Variants in DISC1 observed in about 807,000 individuals in gnomAD.
DISC1 encodes the protein disrupted in schizophrenia 1 protein.
Under a neutral mutation model 84.5 loss-of-function variants are expected in DISC1, and 57 were observed. The observed-to-expected ratio is 0.67, with a 90% CI of 0.55 to 0.84. The LOEUF (loss-of-function observed/expected upper bound fraction) is 0.84, where lower values mean the gene tolerates loss of function less well. Ranked by LOEUF, DISC1 falls within the 40% of genes least tolerant of loss-of-function variation. The pLI is 0.00. For missense variants in DISC1, 1,000 were observed against 1,057.8 expected (o/e 0.95, Z 0.76); for synonymous variants, 411 against 415.2 (o/e 0.99, Z 0.12).
At chr1:231,646,498 A>C (rs926850778) in intron 1 of DISC1, among the ~76,000 whole-genome samples, 1 of 152,180 alleles carries the variant, frequency 6.6e-6, no homozygotes, top group Non-Finnish European at 1.5e-5. Context: ...AGCATGATTT[A>C]TAATCCTTTG....
Position 232,031,262 on chromosome 1 carries a change from AAGAT to A in DISC1, c.2425+4712_2425+4715del, listed in dbSNP as rs1285658824. Among the ~76,000 whole-genome samples, 3 of 148,550 alleles carry A rather than the reference AAGAT, an allele frequency of 2.0e-5. No homozygotes were observed. Among genetic ancestry groups the A allele is most frequent in the South Asian group, 2.2e-4 (1 of 4,568 alleles). On this transcript the variant is annotated intron_variant, in intron 12 of 12. Coordinates refer to ENST00000439617, the MANE Select transcript of DISC1 (RefSeq NM_018662.3). This position sits in a 1 kb window ranked among gnomAD's most constrained non-coding sequence, Gnocchi z 4.6. ...GAGAGGAAGGAAGGAAGGAGAAAGA[AAGAT>A]AAAGAAAGAAAAAGAAAGAAAAGAG...
chr1:231,919,124 T>A (rs1313971348), intron 9 of DISC1, among the ~76,000 whole-genome samples: 2 of 152,242 alleles, frequency 1.3e-5, no homozygotes, highest in African/African-American at 4.8e-5. Context: ...TGAAACCTGA[T>A]GGTTTTTAAG....
intron 9 of DISC1, among the ~76,000 whole-genome samples, chr1:231,942,059 G>T (rs1361372775): frequency 1.3e-5 from 2 of 152,112 alleles, no homozygotes; most frequent in Non-Finnish European, 2.9e-5. Flanking sequence ...GGGGCCGGGG[G>T]ACGAGGTAAC....
intron 10 of DISC1, among the ~76,000 whole-genome samples, chr1:231,987,671 G>A (rs1008273987): frequency 6.6e-6 from 1 of 152,130 alleles, no homozygotes; most frequent in South Asian, 2.1e-4. Context: ...TTCTCAGCTG[G>A]GATGGAAGGC....
intron 9 of DISC1, among the ~76,000 whole-genome samples, chr1:231,909,643 C>T (rs866516432): frequency 5.3e-5 from 8 of 151,746 alleles, no homozygotes; most frequent in East Asian, 1.9e-4. Flanking sequence ...TTTTTTTTGT[C>T]GTGTCTCTGC....
intron 3 of DISC1, among the ~76,000 whole-genome samples, chr1:231,740,697 T>C (rs2073144127): frequency 6.6e-6 from 1 of 152,222 alleles, no homozygotes; most frequent in Non-Finnish European, 1.5e-5. Flanking sequence ...ACATATATAA[T>C]GAGATATCTT....
chr1:231,819,120 A>C (rs2081301783), intron 9 of DISC1: 1 of 986,274 alleles, frequency 1.0e-6, no homozygotes, highest in South Asian at 4.7e-5. Context: ...GGATGGTCTC[A>C]GAAGACGCTG....
chr1:231,819,671 C>T (rs768576747), intron 9 of DISC1, among the ~76,000 whole-genome samples: 5 of 152,122 alleles, frequency 3.3e-5, no homozygotes, highest in African/African-American at 9.7e-5. Context: ...AATGACAACA[C>T]GCTCACCCAA....
intron 1 of DISC1, among the ~76,000 whole-genome samples, chr1:231,683,027 C>T (rs1274072028): frequency 6.6e-6 from 1 of 152,182 alleles, no homozygotes; most frequent in Non-Finnish European, 1.5e-5. Context: ...CCAGGACTCT[C>T]ATTGTCTAAT....
rs1055191614 is a variant in DISC1, at chr1:231,826,435, A to T, written c.1981+7918A>T. On this transcript the variant is annotated intron_variant, in intron 9 of 12. Transcript: ENST00000439617. The surrounding 1 kb of genome is among the most constrained non-coding windows in gnomAD (Gnocchi z 4.2). ...TGTTGAACATCCTGAAAAGACGGGT[A>T]TTTTTTTTTCATTTTTGAAGTTTTC... Among the ~76,000 whole-genome samples the T allele has an allele frequency of 1.3e-5, 2 of 151,152 alleles. No individual in the cohort carries two copies. Among genetic ancestry groups the T allele is most frequent in the Non-Finnish European group, 3.0e-5 (2 of 67,750 alleles).
chr1:231,839,021 T>C (rs559724620), intron 9 of DISC1, among the ~76,000 whole-genome samples: 64 of 151,292 alleles, frequency 4.2e-4, no homozygotes, highest in African/African-American at 1.5e-3. Context: ...AAGGATGAAA[T>C]GAAGCAATAA....
At chr1:231,935,196 A>G (rs1405382557) in intron 9 of DISC1, among the ~76,000 whole-genome samples, 3 of 152,230 alleles carry the variant, frequency 2.0e-5, no homozygotes, top group Non-Finnish European at 4.4e-5. Flanking sequence ...TGCAAGTGAC[A>G]TCTAACAGGG....
intron 12 of DISC1, among the ~76,000 whole-genome samples, chr1:232,030,939 C>T (rs946525908): frequency 1.3e-5 from 2 of 152,048 alleles, no homozygotes; most frequent in Non-Finnish European, 2.9e-5. Context: ...ATGGCAAAAC[C>T]CTGTCTCTAT....
intron 1 of DISC1, among the ~76,000 whole-genome samples, chr1:231,674,222 AT>A (rs1443277462): frequency 1.3e-5 from 2 of 152,100 alleles, no homozygotes; most frequent in African/African-American, 2.4e-5. Context: ...ACATCAGATT[AT>A]GTCAGATTTG....
intron 6 of DISC1, among the ~76,000 whole-genome samples, chr1:231,783,999 C>G (rs1253833583): frequency 6.6e-6 from 1 of 152,132 alleles, no homozygotes; most frequent in Non-Finnish European, 1.5e-5. Flanking sequence ...CACAGTGGCT[C>G]ACGCCTGTAA....
intron 11 of DISC1, among the ~76,000 whole-genome samples, chr1:232,011,507 G>C (rs1416316087): frequency 6.6e-6 from 1 of 152,152 alleles, no homozygotes; most frequent in African/African-American, 2.4e-5. Context: ...GCCGTTCTCT[G>C]AATTCATGAG....
At chr1:231,686,207 C>T (rs763240466) in intron 1 of DISC1, among the ~76,000 whole-genome samples, 2 of 152,210 alleles carry the variant, frequency 1.3e-5, no homozygotes, top group Non-Finnish European at 2.9e-5. Flanking sequence ...GCCCTCTTCT[C>T]ACAGCTCCAC....
chr1:231,802,293 G>A (rs1490960881), intron 8 of DISC1, among the ~76,000 whole-genome samples: 1 of 152,138 alleles, frequency 6.6e-6, no homozygotes, highest in Admixed American at 6.5e-5. Context: ...GTGATAGTGA[G>A]TGAGTTATCA....
At chr1:231,968,631 CCT>C (rs1572400147) in intron 10 of DISC1, among the ~76,000 whole-genome samples, 1 of 151,728 alleles carries the variant, frequency 6.6e-6, no homozygotes, top group East Asian at 1.9e-4. Context: ...AACAAAAAGC[CCT>C]CTCACACACA....
Sources: allele counts gnomAD v4.1 joint callset (sites outside exome capture counted in the v4.1 genomes callset), GRCh38; gene constraint gnomAD v4.1.1; non-coding constraint Gnocchi (gnomAD v3.1); transcripts MANE v1.5; gene names NCBI Gene and HGNC (gene_info 2026-07-23, HGNC 2026-07-21).